Variants in NEMF observed in about 807,000 individuals in gnomAD.
NEMF encodes nuclear export mediator factor.
A neutral mutation model predicts 162.2 loss-of-function variants in NEMF; 89 were observed. The observed-to-expected ratio is 0.55, with a 90% CI of 0.46 to 0.65. NEMF has a LOEUF of 0.65. Among genes scored for constraint, NEMF ranks in the 30% least tolerant of loss-of-function variants. NEMF has a pLI of 0.00. For missense variants in NEMF, 1,133 were observed against 1,261.9 expected (o/e 0.90, Z 1.55); for synonymous variants, 421 against 404.5 (o/e 1.04, Z -0.49).
intron 19 of NEMF, among the ~76,000 whole-genome samples, chr14:49,805,624 CAAG>C (rs758561710): frequency 2.6e-5 from 4 of 151,414 alleles, no homozygotes; most frequent in Non-Finnish European, 1.5e-5. Flanking sequence ...TGGAAGTGCC[CAAG>C]AGAATTCAGA....
chr14:49,800,284 A>T, intron 23 of NEMF, 136 bp downstream of exon 23: 1 of 759,024 alleles, frequency 1.3e-6, no homozygotes, highest in Non-Finnish European at 2.1e-6. Flanking sequence ...AGAGAGACCC[A>T]ATCAAATGTT....
At chr14:49,822,058 A>G (rs1490414612) in intron 16 of NEMF, among the ~76,000 whole-genome samples, 2 of 152,010 alleles carry the variant, frequency 1.3e-5, no homozygotes, top group Non-Finnish European at 2.9e-5. Context: ...CTCAGGGTTA[A>G]ATGGATTAAG....
chr14:49,802,631 G>C (rs1891008769), intron 21 of NEMF, 38 bp downstream of exon 21: 2 of 1,608,950 alleles, frequency 1.2e-6, no homozygotes, highest in Non-Finnish European at 1.7e-6. Flanking sequence ...TGAAAATCAG[G>C]AAAAAAACAA....
At chr14:49,796,307 C>T (rs955788030) in intron 25 of NEMF, 1 of 462,832 alleles carries the variant, frequency 2.2e-6, no homozygotes, top group African/African-American at 2.0e-5. Flanking sequence ...TTCAATAAAA[C>T]ATCTGTTGAC....
chr14:49,798,553 T>A (rs1452506978), intron 25 of NEMF, among the ~76,000 whole-genome samples: 2 of 152,230 alleles, frequency 1.3e-5, no homozygotes, highest in East Asian at 3.8e-4. Context: ...AATTAGCCCA[T>A]GGCAAAACTG....
intron 28 of NEMF, among the ~76,000 whole-genome samples, chr14:49,788,589 G>A (rs1209940297): frequency 6.9e-5 from 9 of 130,056 alleles, no homozygotes; most frequent in Non-Finnish European, 9.3e-5. Context: ...ATGGAGTCTC[G>A]CTCTGTCGCC....
intron 16 of NEMF, among the ~76,000 whole-genome samples, chr14:49,824,794 C>A (rs926281422): frequency 3.9e-5 from 6 of 152,052 alleles, no homozygotes; most frequent in Admixed American, 3.3e-4. Flanking sequence ...TTTCTATACA[C>A]CCTTTCTTGT....
chr14:49,811,765 A>C (rs1286698942), intron 18 of NEMF, among the ~76,000 whole-genome samples: 2 of 152,186 alleles, frequency 1.3e-5, no homozygotes, highest in Non-Finnish European at 2.9e-5. Context: ...TACTGAACCA[A>C]GCTTTCATTC....
chr14:49,824,945 A>T (rs1566685973), intron 16 of NEMF, among the ~76,000 whole-genome samples: 2 of 152,226 alleles, frequency 1.3e-5, no homozygotes, highest in Non-Finnish European at 2.9e-5. Flanking sequence ...AAATTAAGTA[A>T]GTCAAAAAGC....
intron 16 of NEMF, among the ~76,000 whole-genome samples, chr14:49,825,183 A>G (rs1392664317): frequency 6.6e-6 from 1 of 152,248 alleles, no homozygotes; most frequent in East Asian, 1.9e-4. Context: ...TATGACTACA[A>G]TTTAAATATT....
chr14:49,846,381 A>G (rs564478441), intron 3 of NEMF, 116 bp from the exon 4 acceptor site: 70 of 915,238 alleles, frequency 7.6e-5, no homozygotes, highest in Non-Finnish European at 1.1e-4. Context: ...AACGTTGTGA[A>G]TAACAGTATA....
chr14:49,795,263 A>G (rs1406325572), intron 26 of NEMF, among the ~76,000 whole-genome samples: 2 of 147,140 alleles, frequency 1.4e-5, no homozygotes, highest in East Asian at 4.2e-4. Context: ...ACTTGAGCCT[A>G]GGAGTTAAGG....
intron 18 of NEMF, among the ~76,000 whole-genome samples, chr14:49,813,769 T>G (rs2139902389): frequency 6.6e-6 from 1 of 151,848 alleles, no homozygotes; most frequent in African/African-American, 2.4e-5. Flanking sequence ...GCACCCAGCT[T>G]TTTAAAAAAA....
chr14:49,811,848 T>G (rs1292895171), intron 18 of NEMF, among the ~76,000 whole-genome samples: 3 of 152,230 alleles, frequency 2.0e-5, no homozygotes, highest in African/African-American at 7.2e-5. Flanking sequence ...GCTAATATTT[T>G]GTCAAAGATT....
chr14:49,849,372 A>T (rs925862423), intron 3 of NEMF, among the ~76,000 whole-genome samples: 1 of 152,228 alleles, frequency 6.6e-6, no homozygotes, highest in South Asian at 2.1e-4. Flanking sequence ...TCATTTCCCT[A>T]TCAACAGCTT....
chr14:49,787,351 G>A (rs553348673), intron 28 of NEMF, among the ~76,000 whole-genome samples: 1 of 152,308 alleles, frequency 6.6e-6, no homozygotes, highest in Non-Finnish European at 1.5e-5. Context: ...CCAGCATCAA[G>A]GCACCAGCAG....
At position 49,791,777 on chromosome 14, in the gene NEMF, T is replaced by G. The variant is rs534364943; in HGVS notation, c.2620-2204A>C. The stretch of plus-strand genomic sequence containing the variant: ...AAAAAAAATTCACTGAGCCAAAGAT[T>G]TGTGCATTTTACTACTATGTACACT... On this transcript the variant is annotated intron_variant, in intron 26 of 32. Transcript: ENST00000298310. Among the ~76,000 whole-genome samples, 4 of 151,368 alleles carry G rather than the reference T, an allele frequency of 2.6e-5. No individual in the cohort carries two copies. In the East Asian group the frequency reaches 7.8e-4, roughly 29 times the overall value.
intron 15 of NEMF, among the ~76,000 whole-genome samples, chr14:49,827,542 T>C (rs745981702): frequency 3.0e-4 from 45 of 152,028 alleles, no homozygotes; most frequent in Non-Finnish European, 6.3e-4. Context: ...CTCACACCTG[T>C]AATCCCAGCA....
At chr14:49,808,400 C>CT (rs1891320609) in intron 18 of NEMF, among the ~76,000 whole-genome samples, 1 of 152,100 alleles carries the variant, frequency 6.6e-6, no homozygotes, top group Non-Finnish European at 1.5e-5. Flanking sequence ...GTCTCGAACT[C>CT]TTGACCTCAG....
Sources: gnomAD v4.1 joint callset for allele counts (sites outside exome capture counted in the v4.1 genomes callset) on GRCh38, gnomAD v4.1.1 for gene constraint, MANE v1.5 for transcripts, NCBI Gene and HGNC (gene_info 2026-07-23, HGNC 2026-07-21) for gene names.